The following BATF variants were observed in gnomAD, a reference collection of about 807,000 sequenced individuals.
BATF encodes the protein basic leucine zipper transcriptional factor ATF-like.
In BATF, 5 loss-of-function variants were observed where a neutral mutation model predicts 13.7. The ratio of observed to expected loss-of-function variants is 0.36; its 90% CI spans 0.19 to 0.77. The LOEUF (loss-of-function observed/expected upper bound fraction) is 0.77. Ranked by LOEUF, BATF falls within the 30% of genes least tolerant of loss-of-function variation. BATF has a pLI of 0.51. For synonymous variants in BATF, 72 were observed against 67.5 expected (o/e 1.07, Z -0.33); for missense variants, 124 against 163.0 (o/e 0.76, Z 1.30).
At chr14:75,537,506 C>T (rs531760967) in intron 2 of BATF, among the ~76,000 whole-genome samples, 2 of 152,316 alleles carry the variant, frequency 1.3e-5, no homozygotes, top group South Asian at 4.1e-4. Context: ...GTCCTTGTCA[C>T]TGAGAACAAA....
intron 2 of BATF, among the ~76,000 whole-genome samples, chr14:75,531,475 G>A (rs1887732162): frequency 6.6e-6 from 1 of 152,216 alleles, no homozygotes; most frequent in Admixed American, 6.5e-5. Flanking sequence ...TATCTGGCCT[G>A]GTGGATGGAG....
chr14:75,535,436 G>T (rs866773359), intron 2 of BATF, among the ~76,000 whole-genome samples: 9 of 152,062 alleles, frequency 5.9e-5, no homozygotes, highest in Admixed American at 2.0e-4. Flanking sequence ...ATCTCAATAT[G>T]TGTAAATGAA....
chr14:75,545,824 A>G (rs1174292609), intron 2 of BATF, among the ~76,000 whole-genome samples: 1 of 151,892 alleles, frequency 6.6e-6, no homozygotes, highest in African/African-American at 2.4e-5. Context: ...ACACACTCAC[A>G]CACACCCCTC....
In BATF at chr14:75,546,740, G is replaced by A. The variant is rs1887993275; in HGVS notation, c.*69G>A. 1.4e-6 allele frequency: 2 copies of A among 1,462,032 alleles called. No homozygotes were observed. The highest frequency in any genetic ancestry group is 2.1e-5 in the Admixed American group (1 of 46,634). The allele number at this position is 1,462,032 out of a possible 1,614,324, so 90.6% of individuals were successfully genotyped here. ...ACTGTGGCAGAGCTGCGCCCATCCC[G>A]CAGAGGCCCCTGTCCACCTGGAGAC... On this transcript the variant is annotated 3_prime_UTR_variant, in exon 3 of 3. Transcript: ENST00000286639.
At chr14:75,523,374 T>C (rs147085506) in intron 1 of BATF, among the ~76,000 whole-genome samples, 50 of 152,236 alleles carry the variant, frequency 3.3e-4, no homozygotes, top group African/African-American at 1.1e-3. Flanking sequence ...TTGTGGCTTC[T>C]GGATAGGAGC....
At chr14:75,541,731 T>A (rs933595995) in intron 2 of BATF, among the ~76,000 whole-genome samples, 1 of 152,236 alleles carries the variant, frequency 6.6e-6, no homozygotes, top group African/African-American at 2.4e-5. Context: ...TGGTAAAATC[T>A]TGGCTCACTG....
At chr14:75,536,951 T>C (rs1887828909) in intron 2 of BATF, among the ~76,000 whole-genome samples, 1 of 152,290 alleles carries the variant, frequency 6.6e-6, no homozygotes, top group East Asian at 1.9e-4. Context: ...ATTGTCATTT[T>C]TTTTTTACAC....
At chr14:75,545,750 G>A (rs1017610074) in intron 2 of BATF, among the ~76,000 whole-genome samples, 7 of 152,012 alleles carry the variant, frequency 4.6e-5, no homozygotes, top group Non-Finnish European at 1.0e-4. Context: ...TTCCCTTGCT[G>A]TATTCCCGCC....
chr14:75,537,929 AT>A (rs1887841512), intron 2 of BATF, among the ~76,000 whole-genome samples: 1 of 152,196 alleles, frequency 6.6e-6, no homozygotes, highest in South Asian at 2.1e-4. Context: ...TAACAAACAA[AT>A]TTAATAAAAT....
chr14:75,525,404 T>A (rs1887636935), intron 2 of BATF, among the ~76,000 whole-genome samples: 1 of 151,986 alleles, frequency 6.6e-6, no homozygotes, highest in African/African-American at 2.4e-5. Context: ...GGCTCACACC[T>A]GTAATCCCAG....
In BATF at chr14:75,522,747, T is replaced by C; in HGVS notation, c.63+2T>C. On this transcript the variant is annotated splice_donor_variant, in intron 1 of 2. Transcript: ENST00000286639. LOFTEE classifies it high-confidence loss of function. ...CGCTCTCCTCCCCCTGGCAAACAGG[T>C]AGAGTCCTCCTTTTTCTCTCTCCTA... 6.2e-7 allele frequency: 1 copy of C among 1,614,070 alleles called. No individual in the cohort carries two copies. The highest frequency in any genetic ancestry group is 8.5e-7 in the Non-Finnish European group (1 of 1,179,972).
intron 2 of BATF, among the ~76,000 whole-genome samples, chr14:75,532,479 A>G (rs2140037376): frequency 6.6e-6 from 1 of 152,342 alleles, no homozygotes; most frequent in Middle Eastern, 3.4e-3. Flanking sequence ...TACAATTGGT[A>G]TATCAAATGA....
chr14:75,523,943 A>C (rs1887614297), intron 1 of BATF, among the ~76,000 whole-genome samples: 1 of 152,160 alleles, frequency 6.6e-6, no homozygotes, highest in Non-Finnish European at 1.5e-5. Flanking sequence ...CATGGCTTCC[A>C]TGGTAACCTG....
At chr14:75,529,580 A>G (rs189281542) in intron 2 of BATF, among the ~76,000 whole-genome samples, 4 of 152,368 alleles carry the variant, frequency 2.6e-5, no homozygotes, top group African/African-American at 9.6e-5. Flanking sequence ...CCATAAAGGA[A>G]AAGATTGATA....
intron 2 of BATF, among the ~76,000 whole-genome samples, chr14:75,544,687 A>G (rs921252688): frequency 2.0e-5 from 3 of 152,062 alleles, no homozygotes; most frequent in Non-Finnish European, 2.9e-5. Flanking sequence ...AAGCCTTCAA[A>G]TTAATTCTCA....
intron 2 of BATF, among the ~76,000 whole-genome samples, chr14:75,546,052 G>A (rs1887980157): frequency 6.6e-6 from 1 of 152,008 alleles, no homozygotes. Context: ...AGTAGAGACA[G>A]GGTTTTGCCA....
At chr14:75,529,488 G>C (rs949409494) in intron 2 of BATF, among the ~76,000 whole-genome samples, 2 of 151,836 alleles carry the variant, frequency 1.3e-5, no homozygotes, top group Admixed American at 1.3e-4. Context: ...GGAAGCTAAA[G>C]AAACTTGAAA....
intron 2 of BATF, among the ~76,000 whole-genome samples, chr14:75,543,066 A>T (rs554417459): frequency 6.6e-6 from 1 of 152,314 alleles, no homozygotes; most frequent in Non-Finnish European, 1.5e-5. Context: ...GGGCGAAGAA[A>T]AGGGCTAGAG....
intron 2 of BATF, among the ~76,000 whole-genome samples, chr14:75,526,809 A>G (rs1887661022): frequency 6.6e-6 from 1 of 152,204 alleles, no homozygotes; most frequent in East Asian, 1.9e-4. Flanking sequence ...TTGAACATCT[A>G]TGATCCTTAC....
Sources: gnomAD v4.1 joint callset for allele counts (sites outside exome capture counted in the v4.1 genomes callset) on GRCh38, gnomAD v4.1.1 for gene constraint, MANE v1.5 for transcripts, NCBI Gene and HGNC (gene_info 2026-07-23, HGNC 2026-07-21) for gene names.